ADAMTS17: variants seen among roughly 807,000 people sequenced by gnomAD.
ADAMTS17 encodes ADAM metallopeptidase with thrombospondin type 1 motif 17.
ADAMTS17 carries 113 observed loss-of-function variants against 141.5 expected under a neutral mutation model. That is an observed-to-expected ratio of 0.80 (90% CI 0.69 to 0.93). The LOEUF is 0.93. ADAMTS17 is among the 40% of genes least tolerant of loss of function. The pLI, the probability that ADAMTS17 is intolerant of heterozygous loss-of-function variation, is 0.00. For synonymous variants in ADAMTS17, 768 were observed against 630.6 expected, an observed-to-expected ratio of 1.22 and a Z score of -3.27; for missense variants, 1,659 against 1,517.9, an observed-to-expected ratio of 1.09 and a Z score of -1.54.
intron 10 of ADAMTS17, among the ~76,000 whole-genome samples, chr15:100,144,731 G>A (rs2038819194): frequency 1.3e-5 from 2 of 151,604 alleles, no homozygotes; most frequent in South Asian, 4.2e-4. Context: ...ATCTATCCAA[G>A]GACCCGAGGT....
At chr15:100,211,303 A>AAG (rs1307252901) in intron 7 of ADAMTS17, among the ~76,000 whole-genome samples, 8 of 148,678 alleles carry the variant, frequency 5.4e-5, no homozygotes, top group Non-Finnish European at 1.2e-4. Context: ...CATCTCAAAA[A>AAG]AAAAAAAAAA....
intron 10 of ADAMTS17, among the ~76,000 whole-genome samples, chr15:100,144,105 A>C (rs555399523): frequency 6.6e-6 from 1 of 152,352 alleles, no homozygotes; most frequent in East Asian, 1.9e-4. Context: ...TCAAAATATA[A>C]AACATTCTAA....
At chr15:100,192,800 C>A (rs1010240322) in intron 8 of ADAMTS17, among the ~76,000 whole-genome samples, 1 of 152,226 alleles carries the variant, frequency 6.6e-6, no homozygotes, top group African/African-American at 2.4e-5. Context: ...GAGACAATTT[C>A]TTTTCATTTG....
chr15:100,232,685 T>C lies in ADAMTS17; in HGVS notation c.1075+21451A>G, dbSNP rs1287368010. Reference sequence around the variant, plus strand: ...TCTTCCTGTGTCAGTGGACAAGTTATGTGACCCCACCAAGCCTGTTTCCTG... The same window carrying C: ...TCTTCCTGTGTCAGTGGACAAGTTACGTGACCCCACCAAGCCTGTTTCCTG... On this transcript the variant is annotated intron_variant, in intron 7 of 21. Coordinates refer to ENST00000268070, the MANE Select transcript of ADAMTS17 (RefSeq NM_139057.4). Among the ~76,000 whole-genome samples the C allele has an allele frequency of 2.0e-5, 3 of 152,368 alleles. No homozygotes were observed. The East Asian group carries it at 5.8e-4, about 29-fold the overall frequency.
At chr15:100,299,413 T>G (rs934041846) in intron 3 of ADAMTS17, among the ~76,000 whole-genome samples, 5 of 150,804 alleles carry the variant, frequency 3.3e-5, no homozygotes, top group African/African-American at 1.2e-4. Context: ...TACTTAGAAT[T>G]ATCATGATTC....
chr15:100,220,993 C>T (rs775456756), intron 7 of ADAMTS17, among the ~76,000 whole-genome samples: 12 of 152,142 alleles, frequency 7.9e-5, no homozygotes, highest in African/African-American at 1.7e-4. Context: ...AGTTTCTGCA[C>T]GGACCTATGT....
intron 15 of ADAMTS17, chr15:100,063,691 G>T: frequency 7.8e-7 from 1 of 1,289,932 alleles, no homozygotes; most frequent in African/African-American, 1.5e-5. Context: ...AGAAAGCTGT[G>T]GGCAGGTTTA....
chr15:100,171,858 T>TA (rs2040172691), intron 8 of ADAMTS17, among the ~76,000 whole-genome samples: 2 of 152,220 alleles, frequency 1.3e-5, no homozygotes, highest in African/African-American at 2.4e-5. Context: ...GAACTTCTTT[T>TA]AAAAGGTCTT....
intron 7 of ADAMTS17, among the ~76,000 whole-genome samples, chr15:100,244,549 C>G (rs2042929203): frequency 6.6e-6 from 1 of 151,900 alleles, no homozygotes; most frequent in Non-Finnish European, 1.5e-5. Flanking sequence ...GAATAAGTCT[C>G]ATGAGATCGG....
At chr15:100,058,659 C>T (rs549632542) in intron 15 of ADAMTS17, among the ~76,000 whole-genome samples, 2 of 152,176 alleles carry the variant, frequency 1.3e-5, no homozygotes, top group South Asian at 4.1e-4. Context: ...AGGCCCGACA[C>T]TGGGCGGCAG....
chr15:100,111,689 T>C (rs1285475781), intron 13 of ADAMTS17, among the ~76,000 whole-genome samples: 4 of 152,272 alleles, frequency 2.6e-5, no homozygotes, highest in African/African-American at 9.6e-5. Context: ...CTGGGAGTAA[T>C]TGAGCTTTGA....
intron 13 of ADAMTS17, among the ~76,000 whole-genome samples, chr15:100,113,349 A>T (rs1444572575): frequency 6.6e-6 from 1 of 152,190 alleles, no homozygotes; most frequent in Admixed American, 6.5e-5. Context: ...TTTGGCAGCA[A>T]AACCAGCCTG....
At chr15:99,983,009 A>G (rs1350223700) in intron 20 of ADAMTS17, among the ~76,000 whole-genome samples, 1 of 152,246 alleles carries the variant, frequency 6.6e-6, no homozygotes, top group East Asian at 1.9e-4. Context: ...TTTTGTGTGC[A>G]AATTATTTCA....
chr15:100,232,191 G>A (rs958054858), intron 7 of ADAMTS17, among the ~76,000 whole-genome samples: 2 of 152,222 alleles, frequency 1.3e-5, no homozygotes, highest in African/African-American at 2.4e-5. Context: ...TCATTACAAG[G>A]CTCAGAATGG....
chr15:100,020,634 C>T (rs141165432), intron 18 of ADAMTS17, among the ~76,000 whole-genome samples: 11 of 152,198 alleles, frequency 7.2e-5, no homozygotes, highest in Non-Finnish European at 1.3e-4. Context: ...TCTCAACATG[C>T]TGCTGCTAAG....
rs556800178 is a variant in ADAMTS17, at chr15:100,091,010, C to CAAAAAAA, written c.2137+5339_2137+5345dup. 3.9e-3 allele frequency among the ~76,000 whole-genome samples: 213 copies of CAAAAAAA among 54,594 alleles called. 10 individuals carry two copies. The highest frequency in any genetic ancestry group is 0.014 in the African/African-American group (202 of 14,106). The allele number at this position is 54,594 out of a possible 152,430, so 35.8% of individuals were successfully genotyped here. A position where few individuals can be genotyped will look rare whatever the true frequency, so the allele number is the denominator to read the frequency against. On this transcript the variant is annotated intron_variant, in intron 15 of 21. Transcript: ENST00000268070. ...GAGGCAGAGTGAGACTCCGTCTCAA[C>CAAAAAAA]AAAAAAAAAAAAAAAAAAGGGTAAC... is the stretch of plus-strand genomic sequence containing the variant.
intron 8 of ADAMTS17, among the ~76,000 whole-genome samples, chr15:100,183,045 G>A (rs866445079): frequency 1.3e-5 from 2 of 152,032 alleles, no homozygotes; most frequent in African/African-American, 4.8e-5. Context: ...CTGGAGTGCG[G>A]TGGCACGATC....
Position 100,132,077 on chromosome 15 carries a change from C to T in ADAMTS17, c.1651G>A (p.Ala551Thr), listed in dbSNP as rs61754841. The T allele has an allele frequency of 1.7e-3, 2,705 of 1,614,162 alleles. 37 individuals carry two copies. In the African/African-American group the frequency reaches 0.027, roughly 16 times the overall value. ...CATGTTCGGCTGCACATGCTCCAGG[C>T]GCCCCACGGGCTCCAGTCTCCGTCC... ...HVDGDWSPWG[A>T]WSMCSRTCGT... Residue 551 changes from alanine (A) to threonine (T), a missense_variant, in exon 12 of 22, where the codon GCC becomes ACC. By Grantham distance (58) the Ala-to-Thr change is moderately conservative. Coordinates refer to ENST00000268070, the MANE Select transcript of ADAMTS17 (RefSeq NM_139057.4).
In ADAMTS17 at chr15:99,993,235, C is replaced by T. The variant is rs2141329818; in HGVS notation, c.2797-35G>A. ...ACCATTCAAATATTTAACCGAGTTC[C>T]AATTCGATTCAAGTCCATCAACAGC... On this transcript the variant is annotated intron_variant, in intron 19 of 21. Transcript: ENST00000268070. This position sits in a 1 kb window ranked among gnomAD's most constrained non-coding sequence, Gnocchi z 4.3. The T allele has an allele frequency of 1.2e-6, 2 of 1,613,562 alleles. No individual in the cohort carries two copies. The highest frequency in any genetic ancestry group is 1.7e-6 in the Non-Finnish European group (2 of 1,179,912).
Sources: gnomAD v4.1 joint callset for allele counts (sites outside exome capture counted in the v4.1 genomes callset) on GRCh38, gnomAD v4.1.1 for gene constraint, Gnocchi (gnomAD v3.1) non-coding constraint, MANE v1.5 for transcripts, NCBI Gene and HGNC (gene_info 2026-07-23, HGNC 2026-07-21) for gene names.